C20orf203: variants seen among roughly 807,000 people sequenced by gnomAD.
The protein encoded by C20orf203 is chromosome 20 open reading frame 203.
A neutral mutation model predicts 15.9 loss-of-function variants in C20orf203; 16 were observed. The ratio of observed to expected loss-of-function variants is 1.01; its 90% CI spans 0.68 to 1.53. C20orf203 has a LOEUF of 1.53. C20orf203 is among the 40% of genes most tolerant of loss of function. The pLI is 0.00. For missense variants in C20orf203, 263 were observed against 247.5 expected (o/e 1.06, Z -0.42); for synonymous variants, 98 against 97.2 (o/e 1.01, Z -0.05).
chr20:32,632,971 G>A lies in C20orf203; in HGVS notation c.*2599C>T, dbSNP rs1402989722. On this transcript the variant is annotated 3_prime_UTR_variant, in exon 6 of 6. Coordinates refer to ENST00000608990, the MANE Select transcript of C20orf203 (RefSeq NM_182584.4). ...GCTCTTCACAGGGCGGCAGGAGGGA[G>A]AGTGATACTGAGCAAAGGGGGAAGC... The A allele has an allele frequency of 1.3e-5, 2 of 152,286 alleles. No homozygotes were observed. Among genetic ancestry groups the A allele is most frequent in the Non-Finnish European group, 2.9e-5 (2 of 68,128 alleles). 9.4% of individuals were successfully genotyped at this position (152,286 alleles called of 1,614,324 possible).
intron 1 of C20orf203, chr20:32,657,972 A>G (rs1245102833): frequency 5.0e-5 from 5 of 99,278 alleles, no homozygotes; most frequent in Non-Finnish European, 1.1e-4. Context: ...CCCAAACCTA[A>G]AAAAAAAAAA....
At chr20:32,662,903 AGAAAGG>A (rs1982925250) in intron 1 of C20orf203, among the ~76,000 whole-genome samples, 1 of 143,052 alleles carries the variant, frequency 7.0e-6, no homozygotes, top group African/African-American at 2.6e-5. Context: ...AAAAAAAACA[AGAAAGG>A]AACAGCTAGA....
At chr20:32,672,619 G>A (rs1478056565) in intron 1 of C20orf203, among the ~76,000 whole-genome samples, 1 of 150,760 alleles carries the variant, frequency 6.6e-6, no homozygotes, top group Non-Finnish European at 1.5e-5. Flanking sequence ...TTAGTTTTGT[G>A]GGAAAAACCA....
intron 1 of C20orf203, among the ~76,000 whole-genome samples, chr20:32,669,911 T>C (rs764455119): frequency 6.6e-6 from 1 of 152,148 alleles, no homozygotes. Flanking sequence ...TAATAAGAAG[T>C]TAATATCCGG....
At chr20:32,634,338 T>C (rs1307115912) in intron 5 of C20orf203, 68 bp from the exon 6 acceptor site, 3 of 397,358 alleles carry the variant, frequency 7.5e-6, no homozygotes, top group African/African-American at 6.2e-5. Context: ...TGTGACATCA[T>C]GGACAAAGCG....
At chr20:32,656,205 T>C (rs1982749978) in intron 1 of C20orf203, among the ~76,000 whole-genome samples, 2 of 152,240 alleles carry the variant, frequency 1.3e-5, no homozygotes, top group Non-Finnish European at 2.9e-5. Context: ...TTTATAGCAA[T>C]GCAAACAGAC....
chr20:32,634,586 C>T (rs987981574), intron 5 of C20orf203, among the ~76,000 whole-genome samples: 16 of 152,090 alleles, frequency 1.1e-4, no homozygotes, highest in Admixed American at 9.2e-4. Flanking sequence ...ATGTTTACTG[C>T]GGTGTTTTTA....
intron 1 of C20orf203, among the ~76,000 whole-genome samples, 175 bp downstream of exon 1, chr20:32,673,457 G>A (rs892853488): frequency 6.6e-6 from 1 of 152,174 alleles, no homozygotes; most frequent in Non-Finnish European, 1.5e-5. Context: ...CCGCAGCCCC[G>A]TGGGCACAGA....
At chr20:32,637,552 C>T (rs1002604252) in intron 5 of C20orf203, among the ~76,000 whole-genome samples, 1 of 152,192 alleles carries the variant, frequency 6.6e-6, no homozygotes, top group African/African-American at 2.4e-5. Context: ...ATAGCCTCCC[C>T]ACTCCCCACC....
At chr20:32,668,551 G>T (rs12481232) in intron 1 of C20orf203, among the ~76,000 whole-genome samples, 1 of 151,966 alleles carries the variant, frequency 6.6e-6, no homozygotes, top group African/African-American at 2.4e-5. Flanking sequence ...GCTTGAACCC[G>T]GGAGGTGGAG....
At chr20:32,658,042 GA>G (rs1982805486) in intron 1 of C20orf203, 1 of 151,798 alleles carries the variant, frequency 6.6e-6, no homozygotes. Flanking sequence ...GAGACTTTAA[GA>G]AGATAAAATT....
rs1372854276 is a variant in C20orf203, at chr20:32,633,057, GAA to G, written c.*2511_*2512del. 1.3e-5 allele frequency: 2 copies of G among 152,102 alleles called. No individual in the cohort carries two copies. The highest frequency in any genetic ancestry group is 2.9e-5 in the Non-Finnish European group (2 of 68,014). 9.4% of individuals were successfully genotyped at this position (152,102 alleles called of 1,614,324 possible). On this transcript the variant is annotated 3_prime_UTR_variant, in exon 6 of 6. Transcript: ENST00000608990. ...TCACTATCATGAGAACAGCATGGGG[GAA>G]ACTGCCACCATTATTCAATTATCTC...
chr20:32,646,074 C>A (rs1255267126), intron 4 of C20orf203, among the ~76,000 whole-genome samples: 1 of 151,938 alleles, frequency 6.6e-6, no homozygotes, highest in Non-Finnish European at 1.5e-5. Context: ...GTCACTTAAC[C>A]TGTCTGTGTC....
At chr20:32,673,248 G>A (rs377000754) in intron 1 of C20orf203, among the ~76,000 whole-genome samples, 4 of 152,158 alleles carry the variant, frequency 2.6e-5, no homozygotes, top group African/African-American at 4.8e-5. Flanking sequence ...ACAGAGGCAG[G>A]AGGGAGTGAA....
At chr20:32,672,373 C>A (rs182054633) in intron 1 of C20orf203, among the ~76,000 whole-genome samples, 1 of 151,874 alleles carries the variant, frequency 6.6e-6, no homozygotes, top group African/African-American at 2.4e-5. Flanking sequence ...AATACACACA[C>A]ATAAAATATA....
At chr20:32,659,228 C>G (rs1181654017) in intron 1 of C20orf203, among the ~76,000 whole-genome samples, 1 of 151,604 alleles carries the variant, frequency 6.6e-6, no homozygotes, top group African/African-American at 2.4e-5. Context: ...ACAGCCGACC[C>G]CCTTGCCCCA....
chr20:32,665,488 G>A (rs1211964921), intron 1 of C20orf203, among the ~76,000 whole-genome samples: 1 of 152,216 alleles, frequency 6.6e-6, no homozygotes, highest in Non-Finnish European at 1.5e-5. Flanking sequence ...CAGTGACCAG[G>A]CCGGAAACAC....
chr20:32,639,200 C>G (rs1052004420), intron 5 of C20orf203, among the ~76,000 whole-genome samples: 2 of 152,226 alleles, frequency 1.3e-5, no homozygotes, highest in Non-Finnish European at 2.9e-5. Context: ...GCAAAGGGCT[C>G]AGCACACAGC....
intron 1 of C20orf203, among the ~76,000 whole-genome samples, chr20:32,670,910 C>G (rs1386365261): frequency 6.6e-6 from 1 of 151,360 alleles, no homozygotes; most frequent in Non-Finnish European, 1.5e-5. Flanking sequence ...TGCAAGTGGT[C>G]AACAAGAACA....
Sources: allele counts gnomAD v4.1 joint callset (sites outside exome capture counted in the v4.1 genomes callset), GRCh38; gene constraint gnomAD v4.1.1; transcripts MANE v1.5; gene names NCBI Gene and HGNC (gene_info 2026-07-23, HGNC 2026-07-21).